The following SMC1B variants were observed in gnomAD, a reference collection of about 807,000 sequenced individuals.
SMC1B encodes the protein structural maintenance of chromosomes protein 1B.
A neutral mutation model predicts 157.9 loss-of-function variants in SMC1B; 60 were observed. The ratio of observed to expected loss-of-function variants is 0.38; its 90% CI spans 0.31 to 0.47. The LOEUF is 0.47. Among genes scored for constraint, SMC1B ranks in the 20% least tolerant of loss-of-function variants. The probability of loss-of-function intolerance (pLI) is 0.99; values close to 1 mark genes in which losing one functional copy is unlikely to be tolerated. For missense variants in SMC1B, 1,165 were observed against 1,426.2 expected, an observed-to-expected ratio of 0.82 and a Z score of 2.95; for synonymous variants, 445 against 483.0, an observed-to-expected ratio of 0.92 and a Z score of 1.03.
At chr22:45,369,917 A>G (rs1019632483) in intron 15 of SMC1B, 37 bp downstream of exon 15, 2 of 1,102,262 alleles carry the variant, frequency 1.8e-6, no homozygotes, top group East Asian at 2.6e-5. Context: ...TTTTATAAAT[A>G]TGTAAGCTCC....
In SMC1B at chr22:45,359,491, C is replaced by T. The variant is rs757404824; in HGVS notation, c.2862+314G>A. On this transcript the variant is annotated intron_variant, in intron 18 of 24. Transcript: ENST00000357450. Reference sequence around the variant, plus strand: ...GAAGGTGCAGAGCAAGAACCACCCCCGCACATGATGTAAAATGTTATGAGA... The same window carrying T: ...GAAGGTGCAGAGCAAGAACCACCCCTGCACATGATGTAAAATGTTATGAGA... Among the ~76,000 whole-genome samples the T allele has an allele frequency of 3.3e-5, 5 of 152,300 alleles. No homozygotes were observed. In the South Asian group the frequency reaches 1.0e-3, roughly 32 times the overall value.
At chr22:45,355,178 G>GTGCGTGTGTGGGGCACT in intron 19 of SMC1B, 63 bp from the exon 20 acceptor site, 1 of 1,562,386 alleles carries the variant, frequency 6.4e-7, no homozygotes, top group Non-Finnish European at 8.8e-7. Context: ...GCAAGGTAGG[G>GTGCGTGTGTGGGGCACT]TGCGTGTGTG....
chr22:45,347,599 A>T (rs1056754605), intron 23 of SMC1B, among the ~76,000 whole-genome samples: 2 of 152,034 alleles, frequency 1.3e-5, no homozygotes, highest in Non-Finnish European at 2.9e-5. Flanking sequence ...CCAGAATGCC[A>T]ATTTATTTCT....
chr22:45,399,514 G>A (rs574032912), intron 5 of SMC1B, among the ~76,000 whole-genome samples, 161 bp from the exon 6 acceptor site: 1 of 152,270 alleles, frequency 6.6e-6, no homozygotes, highest in African/African-American at 2.4e-5. Context: ...GCAAGGTCAG[G>A]GGGAGGGATG....
chr22:45,363,091 T>C (rs181515449), intron 15 of SMC1B, 65 bp from the exon 16 acceptor site: 42 of 1,189,848 alleles, frequency 3.5e-5, no homozygotes, highest in African/African-American at 6.3e-5. Context: ...TTTTTTCTTA[T>C]GGGAAATTTC....
In SMC1B at chr22:45,349,614, G is replaced by A. The variant is rs541395478; in HGVS notation, c.3495+114C>T. The A allele has an allele frequency of 8.1e-5, 68 of 838,476 alleles. 1 individual carries two copies. The Middle Eastern group carries it at 1.4e-3, about 17-fold the overall frequency. 51.9% of individuals were successfully genotyped at this position (838,476 alleles called of 1,614,324 possible). ...CTCCCATAGTGCTGGGATTACAGGC[G>A]TGAGCCACCGTGCCTAGACCAAGGA... is the stretch of plus-strand genomic sequence containing the variant. On this transcript the variant is annotated intron_variant, in intron 23 of 24. Transcript: ENST00000357450.
chr22:45,390,467 G>A (rs2087044370), intron 9 of SMC1B, among the ~76,000 whole-genome samples: 1 of 152,068 alleles, frequency 6.6e-6, no homozygotes, highest in Non-Finnish European at 1.5e-5. Flanking sequence ...CAGCATTTTG[G>A]GAGGCCGAGG....
Position 45,344,611 on chromosome 22 carries a change from TGAGA to T in SMC1B, c.3649_3652del (p.Gln1218IlefsTer26), listed in dbSNP as rs758709661. Reference sequence around the variant, plus strand: ...TTCTTGGCCTTCAGTGTCTGGATACTGAGAAAGATCTAGGGTCAAAACTCGGCTG... The same window carrying T: ...TTCTTGGCCTTCAGTGTCTGGATACTAAGATCTAGGGTCAAAACTCGGCTG... On this transcript the variant is annotated frameshift_variant, in exon 25 of 25. Transcript: ENST00000357450. LOFTEE classifies it low-confidence loss of function (END_TRUNC). 43 of 1,614,010 alleles carry T rather than the reference TGAGA, an allele frequency of 2.7e-5. No individual in the cohort carries two copies. Among genetic ancestry groups the T allele is most frequent in the Non-Finnish European group, 3.2e-5 (38 of 1,179,974 alleles).
chr22:45,398,971 C>T (rs1315165173), intron 6 of SMC1B, 124 bp downstream of exon 6: 2 of 987,088 alleles, frequency 2.0e-6, no homozygotes, highest in Non-Finnish European at 3.0e-6. Context: ...AATTTAAATC[C>T]CCACAATTTA....
chr22:45,396,902 GA>G (rs985255478), intron 6 of SMC1B, among the ~76,000 whole-genome samples: 1 of 151,958 alleles, frequency 6.6e-6, no homozygotes, highest in Admixed American at 6.6e-5. Flanking sequence ...GAAGGAAACT[GA>G]TTACTTAAGG....
chr22:45,372,490 A>G (rs1331486216), intron 12 of SMC1B, among the ~76,000 whole-genome samples, 198 bp from the exon 13 acceptor site: 6 of 152,196 alleles, frequency 3.9e-5, no homozygotes, highest in African/African-American at 1.4e-4. Context: ...AGCTTCCTCA[A>G]AAAAACTAAC....
At chr22:45,384,419 T>C (rs1399261921) in intron 11 of SMC1B, among the ~76,000 whole-genome samples, 1 of 152,180 alleles carries the variant, frequency 6.6e-6, no homozygotes, top group Admixed American at 6.5e-5. Context: ...AAAGGCTTCC[T>C]GTCTCTGAGA....
In SMC1B at chr22:45,357,028, C is replaced by T. The variant is rs946037810; in HGVS notation, c.2961+1669G>A. On this transcript the variant is annotated intron_variant, in intron 19 of 24. Transcript: ENST00000357450. ...GATTACAGGCGTGAGCCACCACGCC[C>T]GGCCTGATACTTAATTTTTTATATG... Among the ~76,000 whole-genome samples, 7 of 152,232 alleles carry T rather than the reference C, an allele frequency of 4.6e-5. No individual in the cohort carries two copies. In the Middle Eastern group the frequency reaches 0.01, roughly 222 times the overall value.
At chr22:45,364,735 C>T (rs1314171340) in intron 15 of SMC1B, among the ~76,000 whole-genome samples, 1 of 152,080 alleles carries the variant, frequency 6.6e-6, no homozygotes. Context: ...TGTCACATTA[C>T]CCTGGCTTTC....
At chr22:45,391,058 T>C (rs1224232653) in intron 9 of SMC1B, among the ~76,000 whole-genome samples, 1 of 150,694 alleles carries the variant, frequency 6.6e-6, no homozygotes, top group Non-Finnish European at 1.5e-5. Flanking sequence ...ATCCATTATT[T>C]GCTACCTTTT....
At chr22:45,409,926 A>T (rs2087311947) in intron 1 of SMC1B, among the ~76,000 whole-genome samples, 2 of 152,214 alleles carry the variant, frequency 1.3e-5, no homozygotes, top group African/African-American at 4.8e-5. Flanking sequence ...TGGCCTAAGA[A>T]GATTCTGGAA....
At position 45,408,806 on chromosome 22, in the gene SMC1B, C is replaced by A; in HGVS notation, c.202G>T (p.Ala68Ser). The A allele has an allele frequency of 6.3e-7, 1 of 1,579,204 alleles. No individual in the cohort carries two copies. The highest frequency in any genetic ancestry group is 1.9e-5 in the Admixed American group (1 of 51,562). ...VKNIQELIHG[A>S]HIGKPISSSA... ...GAAGAAATAGGTTTTCCAATATGTGCTCCATGAATGAGTTCTTGAATATTT... is the reference window on the plus strand; with the variant it reads ...GAAGAAATAGGTTTTCCAATATGTGATCCATGAATGAGTTCTTGAATATTT... The change falls in exon 2 of 25, where the codon GCA (alanine) becomes TCA (serine). Residue 68 changes from alanine to serine, a missense_variant. Ala to Ser is a moderately conservative substitution (Grantham distance 99). Transcript: ENST00000357450.
In SMC1B at chr22:45,402,466, T is replaced by A; in HGVS notation, c.721A>T (p.Lys241Ter). ...AAATCCCTATTCACATGCTCTAACT[T>A]GGTGTTCAGGAGATGAATCTTTTTC... ...NEKKIHLLNTKLEHVNRDLSV... is the reference protein window; with the variant it reads ...NEKKIHLLNT Residue 241 changes from lysine to a stop codon, truncating the protein, a stop_gained, in exon 5 of 25, where the codon AAG becomes TAG. Coordinates refer to ENST00000357450, the MANE Select transcript of SMC1B (RefSeq NM_148674.5). LOFTEE classifies it high-confidence loss of function. The A allele has an allele frequency of 6.2e-7, 1 of 1,613,942 alleles. No individual in the cohort carries two copies. The highest frequency in any genetic ancestry group is 8.5e-7 in the Non-Finnish European group (1 of 1,179,898).
Position 45,348,728 on chromosome 22 carries a change from T to TG in SMC1B, c.3495+999_3495+1000insC, listed in dbSNP as rs748367325. Among the ~76,000 whole-genome samples the TG allele has an allele frequency of 3.4e-3, 501 of 148,180 alleles. 7 individuals are homozygous for TG. Among genetic ancestry groups the TG allele is most frequent in the Non-Finnish European group, 4.0e-3 (267 of 67,040 alleles). On this transcript the variant is annotated intron_variant, in intron 23 of 24. Transcript: ENST00000357450. ...GATTTCAAAAGGACTGTTTTTTTTG[T>TG]TTTGTTTTGTTTTTTCCTGGAGTGC... is the stretch of plus-strand genomic sequence containing the variant.
Sources: allele counts gnomAD v4.1 joint callset (sites outside exome capture counted in the v4.1 genomes callset), GRCh38; gene constraint gnomAD v4.1.1; transcripts MANE v1.5; gene names NCBI Gene and HGNC (gene_info 2026-07-23, HGNC 2026-07-21).